Variants in CSMD1 observed in about 807,000 individuals in gnomAD.
CSMD1 encodes the protein CUB and Sushi multiple domains 1, also known as CUB and sushi domain-containing protein 1.
CSMD1 carries 213 observed loss-of-function variants against 417.5 expected under a neutral mutation model. The ratio of observed to expected loss-of-function variants is 0.51; its 90% CI spans 0.46 to 0.57. The LOEUF is 0.57. Ranked by LOEUF, CSMD1 falls within the 20% of genes least tolerant of loss-of-function variation. The pLI is 0.00. For synonymous variants in CSMD1, 2,862 were observed against 1,736.8 expected (o/e 1.65, Z -16.11); for missense variants, 6,923 against 4,529.7 (o/e 1.53, Z -15.17).
At position 4,874,837 on chromosome 8, in the gene CSMD1, T is replaced by TTA. The variant is rs971615335; in HGVS notation, c.85+119493_85+119494dup. 7.4e-5 allele frequency among the ~76,000 whole-genome samples: 11 copies of TTA among 149,244 alleles called. No homozygotes were observed. The East Asian group carries it at 7.8e-4, about 11-fold the overall frequency. ...ATTTACACACACACTTAATTCTGGTTTATATATATATAATATTAAATATAG... is the reference window on the plus strand; with the variant it reads ...ATTTACACACACACTTAATTCTGGTTTATATATATATATAATATTAAATATAG... On this transcript the variant is annotated intron_variant, in intron 1 of 69. Coordinates refer to ENST00000635120, the MANE Select transcript of CSMD1 (RefSeq NM_033225.6).
intron 3 of CSMD1, among the ~76,000 whole-genome samples, chr8:4,032,559 G>C (rs73658538): frequency 3.9e-5 from 6 of 152,060 alleles, no homozygotes; most frequent in Non-Finnish European, 1.5e-5. Flanking sequence ...TACAGTGTCT[G>C]TTACACATCA....
intron 3 of CSMD1, among the ~76,000 whole-genome samples, chr8:4,118,626 C>T (rs552707339): frequency 6.6e-6 from 1 of 152,250 alleles, no homozygotes; most frequent in African/African-American, 2.4e-5. Flanking sequence ...CTTAGGAACA[C>T]ATTTTACACT....
chr8:3,984,846 GAAGA>G (rs1485440124), intron 5 of CSMD1, among the ~76,000 whole-genome samples: 2 of 150,106 alleles, frequency 1.3e-5, no homozygotes, highest in Non-Finnish European at 3.0e-5. Context: ...AAAGGAGCAA[GAAGA>G]AAGCCAGAAA....
intron 4 of CSMD1, among the ~76,000 whole-genome samples, chr8:4,010,162 G>A (rs1466257973): frequency 6.6e-6 from 1 of 152,134 alleles, no homozygotes; most frequent in African/African-American, 2.4e-5. Flanking sequence ...AGTAGCCAAT[G>A]TTTTACATCT....
intron 2 of CSMD1, among the ~76,000 whole-genome samples, chr8:4,499,306 T>A (rs570901769): frequency 2.5e-4 from 38 of 152,254 alleles, no homozygotes; most frequent in Admixed American, 8.5e-4. Flanking sequence ...GAAAAACGCT[T>A]GGGATTAAGA....
chr8:3,014,563 A>G (rs993513710), intron 52 of CSMD1, among the ~76,000 whole-genome samples: 1 of 152,118 alleles, frequency 6.6e-6, no homozygotes, highest in African/African-American at 2.4e-5. Context: ...CCTGGGCAGG[A>G]GACACAACTT....
At chr8:4,440,597 T>A (rs1370232472) in intron 2 of CSMD1, among the ~76,000 whole-genome samples, 1 of 152,236 alleles carries the variant, frequency 6.6e-6, no homozygotes. Flanking sequence ...TTTAGCATTT[T>A]CTCTGGAAAG....
intron 5 of CSMD1, among the ~76,000 whole-genome samples, chr8:3,907,676 G>T (rs1808202164): frequency 1.3e-5 from 2 of 152,326 alleles, no homozygotes; most frequent in Admixed American, 6.5e-5. Flanking sequence ...TTCAGGCAGA[G>T]ATCCTGAGAG....
chr8:4,114,673 T>C (rs928307514), intron 3 of CSMD1, among the ~76,000 whole-genome samples: 5 of 152,108 alleles, frequency 3.3e-5, no homozygotes, highest in African/African-American at 1.2e-4. Flanking sequence ...TTAAGAAAAA[T>C]TGTGCTTCAT....
chr8:2,941,034 T>C (rs1801835636), intron 69 of CSMD1, among the ~76,000 whole-genome samples: 1 of 152,254 alleles, frequency 6.6e-6, no homozygotes, highest in Non-Finnish European at 1.5e-5. Context: ...CTACATTTAC[T>C]AAATTTTAAA....
At chr8:3,463,898 A>G (rs1347284445) in intron 12 of CSMD1, among the ~76,000 whole-genome samples, 1 of 152,170 alleles carries the variant, frequency 6.6e-6, no homozygotes. Context: ...ACACCCTAGG[A>G]GCACAGACCC....
At position 3,696,104 on chromosome 8, in the gene CSMD1, G is replaced by A. The variant is rs117156926; in HGVS notation, c.1009+12310C>T. Among the ~76,000 whole-genome samples, 1,044 of 152,236 alleles carry A rather than the reference G, an allele frequency of 6.9e-3. 5 individuals are homozygous for A. The highest frequency in any genetic ancestry group is 0.012 in the Non-Finnish European group (783 of 68,016). On this transcript the variant is annotated intron_variant, in intron 7 of 69. Transcript: ENST00000635120. ...GGAATGAGACATTTCCTACATATCA[G>A]TTACCTTGAATTTTCACTTGAAGCC...
rs182491923 is a variant in CSMD1, at chr8:3,937,810, T to G, written c.818+60093A>C. On this transcript the variant is annotated intron_variant, in intron 5 of 69. Transcript: ENST00000635120. ...TCACATAGAATGTTACTTCAATTAC[T>G]GCTTACACAGGAAATTTTATGATTT... is the stretch of plus-strand genomic sequence containing the variant. Among the ~76,000 whole-genome samples the G allele has an allele frequency of 3.3e-4, 50 of 152,296 alleles. No individual in the cohort carries two copies. In the East Asian group the frequency reaches 8.7e-3, roughly 26 times the overall value.
intron 12 of CSMD1, among the ~76,000 whole-genome samples, chr8:3,411,795 CGT>C (rs1812738307): frequency 9.4e-6 from 1 of 106,140 alleles, no homozygotes; most frequent in Admixed American, 1.1e-4. Context: ...TATATATACA[CGT>C]ATATATACAC....
At chr8:3,280,088 G>C (rs1463122766) in intron 26 of CSMD1, among the ~76,000 whole-genome samples, 2 of 152,134 alleles carry the variant, frequency 1.3e-5, no homozygotes, top group African/African-American at 2.4e-5. Flanking sequence ...CCTGAAGAGA[G>C]AGGTACTAGG....
At chr8:4,366,736 T>G (rs1230119446) in intron 3 of CSMD1, among the ~76,000 whole-genome samples, 1 of 152,108 alleles carries the variant, frequency 6.6e-6, no homozygotes, top group Non-Finnish European at 1.5e-5. Flanking sequence ...ACTTTAAGTT[T>G]TAGGGTACAT....
intron 2 of CSMD1, among the ~76,000 whole-genome samples, chr8:4,508,550 A>G (rs748038649): frequency 1.3e-5 from 2 of 152,182 alleles, no homozygotes; most frequent in Non-Finnish European, 2.9e-5. Flanking sequence ...AGTTTACTGC[A>G]TATTAAAGAG....
chr8:4,470,092 G>T (rs904473570), intron 2 of CSMD1, among the ~76,000 whole-genome samples: 2 of 152,000 alleles, frequency 1.3e-5, no homozygotes, highest in Admixed American at 6.5e-5. Flanking sequence ...GGATGGTCTC[G>T]ATCTCCTGAT....
At chr8:4,616,906 AATAAT>A (rs1179194617) in intron 2 of CSMD1, among the ~76,000 whole-genome samples, 1 of 152,188 alleles carries the variant, frequency 6.6e-6, no homozygotes, top group African/African-American at 2.4e-5. Context: ...ATTGGATATT[AATAAT>A]ATAACAGACC....
Sources: gnomAD v4.1 joint callset for allele counts (sites outside exome capture counted in the v4.1 genomes callset) on GRCh38, gnomAD v4.1.1 for gene constraint, MANE v1.5 for transcripts, NCBI Gene and HGNC (gene_info 2026-07-23, HGNC 2026-07-21) for gene names.